Variants in WDR72 observed in about 807,000 individuals in gnomAD.
WDR72 encodes the protein WD repeat-containing protein 72.
Under a neutral mutation model 124.2 loss-of-function variants are expected in WDR72, and 120 were observed. The ratio of observed to expected loss-of-function variants is 0.97; its 90% confidence interval spans 0.83 to 1.12. The LOEUF (loss-of-function observed/expected upper bound fraction) is 1.12, where lower values mean the gene tolerates loss of function less well. WDR72 is among the 50% of genes most tolerant of loss of function. The pLI is 0.00. For synonymous variants in WDR72, 452 were observed against 441.7 expected (o/e 1.02, Z -0.29); for missense variants, 1,387 against 1,278.8 (o/e 1.08, Z -1.29).
intron 12 of WDR72, among the ~76,000 whole-genome samples, chr15:53,700,573 GTTACGACAA>G (rs1218857192): frequency 6.6e-6 from 1 of 151,866 alleles, no homozygotes; most frequent in African/African-American, 2.4e-5. Context: ...CCTTGAACAG[GTTACGACAA>G]TTACTATCCA....
chr15:53,711,619 G>A (rs575486386), intron 7 of WDR72, 138 bp from the exon 8 acceptor site: 43 of 952,292 alleles, frequency 4.5e-5, no homozygotes, highest in Admixed American at 6.2e-5. Context: ...ATATTAAGAT[G>A]ATATTTTACC....
At chr15:53,642,177 T>C (rs1164696049) in intron 14 of WDR72, among the ~76,000 whole-genome samples, 3 of 151,972 alleles carry the variant, frequency 2.0e-5, no homozygotes, top group African/African-American at 7.2e-5. Context: ...TGCAGTAGTA[T>C]TAAGTAAATG....
At chr15:53,548,336 T>C (rs927845385) in intron 18 of WDR72, among the ~76,000 whole-genome samples, 60 of 152,272 alleles carry the variant, frequency 3.9e-4, no homozygotes, top group African/African-American at 1.4e-3. Flanking sequence ...TCCTACAGAA[T>C]AAACAGGGCA....
At chr15:53,524,501 G>A (rs1359831703) in intron 18 of WDR72, among the ~76,000 whole-genome samples, 1 of 152,014 alleles carries the variant, frequency 6.6e-6, no homozygotes, top group Non-Finnish European at 1.5e-5. Context: ...TCCCACCCAA[G>A]GTCCAGTCAG....
At chr15:53,706,928 G>A (rs59004349) in intron 9 of WDR72, among the ~76,000 whole-genome samples, 6,563 of 152,056 alleles carry the variant, frequency 0.043, 214 homozygotes, top group African/African-American at 0.091. Context: ...GGGCACCAGC[G>A]TTTTTAAAGC....
chr15:53,536,317 ATAT>A (rs1325068129), intron 18 of WDR72, among the ~76,000 whole-genome samples: 1 of 152,160 alleles, frequency 6.6e-6, no homozygotes, highest in Non-Finnish European at 1.5e-5. Flanking sequence ...AAATACTTCG[ATAT>A]TATTCTCAGT....
intron 14 of WDR72, among the ~76,000 whole-genome samples, chr15:53,657,381 T>C (rs1480205371): frequency 6.6e-6 from 1 of 150,936 alleles, no homozygotes; most frequent in Non-Finnish European, 1.5e-5. Flanking sequence ...ACAGAATTCA[T>C]AGGTTCTAAA....
intron 11 of WDR72, among the ~76,000 whole-genome samples, chr15:53,703,778 T>G (rs1177014124): frequency 6.6e-6 from 1 of 152,096 alleles, no homozygotes; most frequent in Non-Finnish European, 1.5e-5. Flanking sequence ...ACTCTCTTTA[T>G]TCAAAATGAA....
intron 14 of WDR72, among the ~76,000 whole-genome samples, chr15:53,627,984 C>CA (rs1170193689): frequency 6.6e-6 from 1 of 152,100 alleles, no homozygotes; most frequent in African/African-American, 2.4e-5. Context: ...ACCAGTATAC[C>CA]ACTTTCTACT....
chr15:53,737,869 G>T (rs1408109373), intron 1 of WDR72, among the ~76,000 whole-genome samples: 2 of 152,014 alleles, frequency 1.3e-5, no homozygotes, highest in Non-Finnish European at 2.9e-5. Context: ...ATGAGACCAC[G>T]CATACAACAT....
chr15:53,601,516 C>A (rs954796631), intron 17 of WDR72, among the ~76,000 whole-genome samples: 1 of 152,056 alleles, frequency 6.6e-6, no homozygotes, highest in African/African-American at 2.4e-5. Context: ...TCAATACTAA[C>A]CTTAAATGTA....
chr15:53,574,034 G>T (rs1254619019), intron 18 of WDR72, among the ~76,000 whole-genome samples: 2 of 152,064 alleles, frequency 1.3e-5, no homozygotes, highest in Admixed American at 1.3e-4. Context: ...AAAATGTGAC[G>T]ATCTCTTATA....
At chr15:53,755,482 G>A (rs1471312331) in intron 1 of WDR72, among the ~76,000 whole-genome samples, 1 of 152,324 alleles carries the variant, frequency 6.6e-6, no homozygotes, top group East Asian at 1.9e-4. Flanking sequence ...CGGGCATATA[G>A]AATTAGCACA....
intron 18 of WDR72, among the ~76,000 whole-genome samples, chr15:53,555,292 C>T (rs1336979569): frequency 6.6e-6 from 1 of 151,256 alleles, no homozygotes; most frequent in African/African-American, 2.4e-5. Flanking sequence ...GTGCACTTCA[C>T]GGAGGACAGA....
chr15:53,692,258 GAA>G (rs2140505654), intron 13 of WDR72, among the ~76,000 whole-genome samples: 1 of 152,178 alleles, frequency 6.6e-6, no homozygotes, highest in South Asian at 2.1e-4. Flanking sequence ...TGATTACACT[GAA>G]AGCTCTTTAA....
At chr15:53,520,215 T>G (rs751964512) in intron 19 of WDR72, among the ~76,000 whole-genome samples, 1 of 152,124 alleles carries the variant, frequency 6.6e-6, no homozygotes, top group Non-Finnish European at 1.5e-5. Context: ...AGCAATATAC[T>G]TGAACTGTGT....
chr15:53,529,260 A>G (rs1892319201), intron 18 of WDR72, among the ~76,000 whole-genome samples: 1 of 151,328 alleles, frequency 6.6e-6, no homozygotes, highest in Non-Finnish European at 1.5e-5. Context: ...GTTAAAAACA[A>G]AAAACAAAAC....
chr15:53,579,507 G>C (rs1235558220), intron 18 of WDR72, among the ~76,000 whole-genome samples: 2 of 151,928 alleles, frequency 1.3e-5, no homozygotes, highest in East Asian at 1.9e-4. Context: ...CATTAATCTG[G>C]ACTGGCAAAT....
chr15:53,634,588 A>G (rs1047133796), intron 14 of WDR72, among the ~76,000 whole-genome samples: 2 of 152,224 alleles, frequency 1.3e-5, no homozygotes, highest in African/African-American at 4.8e-5. Flanking sequence ...CATGCAGCCC[A>G]TAGGCTGCAG....
Sources: gnomAD v4.1 joint callset for allele counts (sites outside exome capture counted in the v4.1 genomes callset) on GRCh38, gnomAD v4.1.1 for gene constraint, MANE v1.5 for transcripts, NCBI Gene and HGNC (gene_info 2026-07-23, HGNC 2026-07-21) for gene names.